The following LIFR variants were observed in gnomAD, a reference collection of about 807,000 sequenced individuals.
LIFR encodes the protein leukemia inhibitory factor receptor.
Under a neutral mutation model 122.2 loss-of-function variants are expected in LIFR, and 84 were observed. That is an observed-to-expected ratio of 0.69 (90% CI 0.58 to 0.82). The LOEUF (loss-of-function observed/expected upper bound fraction) is 0.82, where lower values mean the gene tolerates loss of function less well. Ranked by LOEUF, LIFR falls within the 40% of genes least tolerant of loss-of-function variation. The pLI is 0.00. For missense variants in LIFR, 1,294 were observed against 1,311.6 expected (o/e 0.99, Z 0.21); for synonymous variants, 422 against 434.7 (o/e 0.97, Z 0.36).
chr5:38,494,318 G>A (rs964775906), intron 13 of LIFR, among the ~76,000 whole-genome samples: 1 of 152,196 alleles, frequency 6.6e-6, no homozygotes, highest in African/African-American at 2.4e-5. Context: ...GGCTGAAGGG[G>A]TTGTCTGGCT....
Position 38,478,482 on chromosome 5 carries a change from G to A in LIFR, c.*3113C>T, listed in dbSNP as rs1351186604. The A allele has an allele frequency of 4.7e-6, 1 of 210,662 alleles. No individual in the cohort carries two copies. The highest frequency in any genetic ancestry group is 9.7e-6 in the Non-Finnish European group (1 of 103,528). 13.0% of individuals were successfully genotyped at this position (210,662 alleles called of 1,614,324 possible). A position where few individuals can be genotyped will look rare whatever the true frequency, so the allele number is the denominator to read the frequency against. ...ACTCAGGGCCACAATCTCAAATCTA[G>A]GGCTGTATAAATTCAACAAATTGAT... On this transcript the variant is annotated 3_prime_UTR_variant, in exon 20 of 20. Coordinates refer to ENST00000453190, the MANE Select transcript of LIFR (RefSeq NM_001127671.2).
In LIFR at chr5:38,475,086, T is replaced by TTTACATTTATGGTGTTTTA. The variant is rs1440243835; in HGVS notation, c.*6490_*6508dup. On this transcript the variant is annotated 3_prime_UTR_variant, in exon 20 of 20. Coordinates refer to ENST00000453190, the MANE Select transcript of LIFR (RefSeq NM_001127671.2). Reference sequence around the variant, plus strand: ...AGAGTTAACAGCCAAGCATACTAGTTTTACATTTATGGTGTTTTAGTAATA... The same window carrying TTTACATTTATGGTGTTTTA: ...AGAGTTAACAGCCAAGCATACTAGTTTTACATTTATGGTGTTTTATTACATTTATGGTGTTTTAGTAATA... 30 of 179,084 alleles carry TTTACATTTATGGTGTTTTA rather than the reference T, an allele frequency of 1.7e-4. No individual in the cohort carries two copies. Among genetic ancestry groups the TTTACATTTATGGTGTTTTA allele is most frequent in the Non-Finnish European group, 3.2e-4 (27 of 83,562 alleles). 11.1% of individuals were successfully genotyped at this position (179,084 alleles called of 1,614,324 possible). A position where few individuals can be genotyped will look rare whatever the true frequency, so the allele number is the denominator to read the frequency against.
At chr5:38,533,466 A>G (rs1747126382) in intron 1 of LIFR, among the ~76,000 whole-genome samples, 1 of 152,194 alleles carries the variant, frequency 6.6e-6, no homozygotes, top group Non-Finnish European at 1.5e-5. Flanking sequence ...CTGAGCTTTT[A>G]AAGGCCTTGT....
intron 5 of LIFR, among the ~76,000 whole-genome samples, chr5:38,513,710 T>A (rs1374440583): frequency 2.6e-5 from 4 of 152,072 alleles, no homozygotes; most frequent in African/African-American, 9.7e-5. Flanking sequence ...CCTAAAATAA[T>A]ATTTGGCGTT....
intron 1 of LIFR, among the ~76,000 whole-genome samples, chr5:38,540,492 C>A (rs1747532996): frequency 6.6e-6 from 1 of 152,150 alleles, no homozygotes; most frequent in South Asian, 2.1e-4. Flanking sequence ...ACTCTAAGTA[C>A]ACTTTTAATT....
intron 1 of LIFR, among the ~76,000 whole-genome samples, chr5:38,570,486 G>A (rs1242067169): frequency 2.0e-5 from 3 of 152,064 alleles, no homozygotes; most frequent in Non-Finnish European, 4.4e-5. Flanking sequence ...AAAACATGTT[G>A]GAATTCTGTG....
At chr5:38,513,647 G>T (rs1745922032) in intron 5 of LIFR, among the ~76,000 whole-genome samples, 1 of 152,078 alleles carries the variant, frequency 6.6e-6, no homozygotes, top group Non-Finnish European at 1.5e-5. Context: ...TCCTCACCAG[G>T]TAATAGTCTA....
In LIFR at chr5:38,499,554, C is replaced by G. The variant is rs761306189; in HGVS notation, c.1630G>C (p.Glu544Gln). The G allele has an allele frequency of 6.2e-7, 1 of 1,609,010 alleles. No individual in the cohort carries two copies. Among genetic ancestry groups the G allele is most frequent in the Non-Finnish European group, 8.5e-7 (1 of 1,175,368 alleles). The stretch of plus-strand genomic sequence containing the variant: ...AAATTTTTTCCATCAGAACTCCACT[C>G]TCTCCAAGTATCAGGCCCCTTTGAA... ...SPSKGPDTWR[E>Q]WSSDGKNLII... The change falls in exon 12 of 20, where the codon GAG becomes CAG. Residue 544 changes from glutamate to glutamine, a missense_variant. Transcript: ENST00000453190.
chr5:38,493,821 A>C, intron 13 of LIFR, 36 bp from the exon 14 acceptor site: 1 of 1,545,510 alleles, frequency 6.5e-7, no homozygotes, highest in South Asian at 1.1e-5. Context: ...ACTGGCATTA[A>C]AAACAATAAT....
intron 1 of LIFR, among the ~76,000 whole-genome samples, chr5:38,570,280 T>C (rs1027681466): frequency 2.0e-5 from 3 of 152,176 alleles, no homozygotes; most frequent in Non-Finnish European, 4.4e-5. Context: ...TAATGGTACC[T>C]AAAGATTATT....
rs201711670 is a variant in LIFR at position 38,481,952 on chromosome 5, C to T, written c.2937G>A (p.Ser979=). The T allele has an allele frequency of 1.1e-4, 175 of 1,614,054 alleles. No homozygotes were observed. The highest frequency in any genetic ancestry group is 1.3e-4 in the Non-Finnish European group (158 of 1,180,026). ...CTGGTTTTGCTTGAGGCTGATACAT[C>T]GACTGAACATCAATGTAAATAACCT... ...TAQVIYIDVQ[S]MYQPQAKPEE... The change falls in exon 20 of 20, where the codon TCG becomes TCA. Residue 979 remains serine (S), a synonymous_variant. Transcript: ENST00000453190.
At chr5:38,545,482 T>C (rs1322143420) in intron 1 of LIFR, among the ~76,000 whole-genome samples, 1 of 152,148 alleles carries the variant, frequency 6.6e-6, no homozygotes, top group African/African-American at 2.4e-5. Flanking sequence ...TTTGTATTTT[T>C]ACTTATATTC....
intron 1 of LIFR, chr5:38,550,349 C>T (rs758991396): frequency 7.3e-6 from 3 of 408,988 alleles, no homozygotes; most frequent in Non-Finnish European, 9.9e-6. Context: ...TTTAAAGCAT[C>T]TGTTTTCAAA....
At chr5:38,504,249 A>G (rs1745333728) in intron 9 of LIFR, 128 bp from the exon 10 acceptor site, 1 of 665,100 alleles carries the variant, frequency 1.5e-6, no homozygotes, top group Admixed American at 2.6e-5. Context: ...CATCCTACCC[A>G]GTATTTGTGG....
chr5:38,607,065 T>C (rs2112788514), intron 1 of LIFR, among the ~76,000 whole-genome samples: 3 of 152,344 alleles, frequency 2.0e-5, no homozygotes, highest in Middle Eastern at 6.8e-3. Flanking sequence ...TCAAAAATCA[T>C]CTGTTCATTT....
intron 1 of LIFR, among the ~76,000 whole-genome samples, chr5:38,569,571 G>A (rs1388635435): frequency 2.0e-5 from 3 of 152,182 alleles, no homozygotes; most frequent in Non-Finnish European, 4.4e-5. Flanking sequence ...GTGATCTGAG[G>A]TGGAACAGTT....
At chr5:38,561,437 G>A (rs1038083978), upstream of LIFR, among the ~76,000 whole-genome samples, 1 of 152,100 alleles carries the variant, frequency 6.6e-6, no homozygotes, top group African/African-American at 2.4e-5. Flanking sequence ...CTTATTAAAA[G>A]TACCTACCTC....
At chr5:38,522,125 A>G (rs1489395501) in intron 5 of LIFR, among the ~76,000 whole-genome samples, 5 of 152,220 alleles carry the variant, frequency 3.3e-5, no homozygotes, top group Admixed American at 3.3e-4. Flanking sequence ...AGCCATAGGC[A>G]TGCAAGTGGG....
At chr5:38,583,836 GT>G (rs1331622395) in intron 1 of LIFR, among the ~76,000 whole-genome samples, 2 of 152,122 alleles carry the variant, frequency 1.3e-5, no homozygotes, top group South Asian at 2.1e-4. Flanking sequence ...CATGGGGTTG[GT>G]TTCCCCCATA....
Sources: allele counts gnomAD v4.1 joint callset (sites outside exome capture counted in the v4.1 genomes callset), GRCh38; gene constraint gnomAD v4.1.1; transcripts MANE v1.5; gene names NCBI Gene and HGNC (gene_info 2026-07-23, HGNC 2026-07-21).